The following TUBB6 variants were observed in gnomAD, a reference collection of about 807,000 sequenced individuals.
TUBB6 encodes the protein tubulin beta-6 chain.
TUBB6 carries 18 observed loss-of-function variants against 32.3 expected under a neutral mutation model. That is an observed-to-expected ratio of 0.56 (90% CI 0.39 to 0.83). The LOEUF is 0.83. Ranked by LOEUF, TUBB6 falls within the 40% of genes least tolerant of loss-of-function variation. TUBB6 has a pLI of 0.00. For missense variants in TUBB6, 480 were observed against 632.0 expected (o/e 0.76, Z 2.58); for synonymous variants, 280 against 265.8 (o/e 1.05, Z -0.52).
At chr18:12,308,376 T>G (rs1359357082) in intron 1 of TUBB6, 27 bp downstream of exon 1, 3 of 1,390,608 alleles carry the variant, frequency 2.2e-6, no homozygotes, top group Non-Finnish European at 2.8e-6. Flanking sequence ...GCAGGGCCTC[T>G]CCGCGGGTCG....
chr18:12,328,051 C>G (rs1442210908), downstream of TUBB6, among the ~76,000 whole-genome samples: 1 of 152,248 alleles, frequency 6.6e-6, no homozygotes, highest in Admixed American at 6.5e-5. Flanking sequence ...AAGGAAGTGG[C>G]CAGTGTGGCA....
chr18:12,308,476 C>G, intron 1 of TUBB6, 127 bp downstream of exon 1: 2 of 832,538 alleles, frequency 2.4e-6, no homozygotes, highest in Non-Finnish European at 3.3e-6. Context: ...CCGGTGCGGA[C>G]CCGCGAGGGC....
chr18:12,319,922 G>A (rs1352526813), intron 3 of TUBB6, among the ~76,000 whole-genome samples: 2 of 151,952 alleles, frequency 1.3e-5, no homozygotes, highest in Middle Eastern at 3.2e-3. Context: ...GAGTAGCTGG[G>A]ACTACAGGCG....
intron 3 of TUBB6, among the ~76,000 whole-genome samples, chr18:12,319,747 AG>A (rs1481462637): frequency 6.6e-6 from 1 of 152,088 alleles, no homozygotes; most frequent in Non-Finnish European, 1.5e-5. Context: ...TGAGTTCAAA[AG>A]TTTAAGACCA....
downstream of TUBB6, chr18:12,329,777 G>C (rs532751601): frequency 6.2e-7 from 1 of 1,612,894 alleles, no homozygotes; most frequent in South Asian, 1.1e-5. Flanking sequence ...AACAACAGAA[G>C]AGCAACCTGA....
chr18:12,319,793 T>G (rs1906883275), intron 3 of TUBB6, among the ~76,000 whole-genome samples: 1 of 151,966 alleles, frequency 6.6e-6, no homozygotes, highest in African/African-American at 2.4e-5. Flanking sequence ...CTCTACAAAA[T>G]TTTTCTTTTT....
rs1237562992 is a variant in TUBB6 at position 12,325,716 on chromosome 18, C to G, written c.927C>G (p.Arg309=). ...CCGCCTGCGATCCGCGCCATGGCCG[C>G]TACCTGACCGTGGCCACCGTGTTCC... ...MMAACDPRHG[R]YLTVATVFRG... is the part of the protein sequence containing the mutation. Residue 309 remains arginine, a synonymous_variant, in exon 4 of 4, where the codon CGC becomes CGG. Transcript: ENST00000317702. The G allele has an allele frequency of 1.9e-6, 3 of 1,614,108 alleles. No individual in the cohort carries two copies. In the African/African-American group the frequency reaches 4.0e-5, roughly 22 times the overall value.
intron 1 of TUBB6, 31 bp from the exon 2 acceptor site, chr18:12,308,656 G>A (rs756386499): frequency 1.2e-5 from 18 of 1,469,960 alleles, no homozygotes; most frequent in Non-Finnish European, 7.6e-6. Flanking sequence ...TGGGTTCTGA[G>A]CGTCTGTCCC....
intron 3 of TUBB6, 55 bp downstream of exon 3, chr18:12,311,108 AT>A: frequency 7.1e-7 from 1 of 1,400,532 alleles, no homozygotes; most frequent in Non-Finnish European, 9.9e-7. Context: ...TAAATCAAAT[AT>A]TTTATATGCC....
At chr18:12,324,098 C>G (rs9946698) in intron 3 of TUBB6, among the ~76,000 whole-genome samples, 35,097 of 151,796 alleles carry the variant, frequency 0.23, 4,300 homozygotes, top group East Asian at 0.38. Flanking sequence ...GGCCGGGCGC[C>G]GTGGCTCACG....
At chr18:12,308,439 C>G in intron 1 of TUBB6, 90 bp downstream of exon 1, 10 of 1,054,488 alleles carry the variant, frequency 9.5e-6, no homozygotes, top group Non-Finnish European at 1.2e-5. Context: ...GGCGCGCACC[C>G]GCTGTGCGCC....
rs1426563055 is a variant in TUBB6 at position 12,325,977 on chromosome 18, C to G, written c.1188C>G (p.His396Gln). 1 of 1,614,100 alleles carries G rather than the reference C, an allele frequency of 6.2e-7. No individual in the cohort carries two copies. The highest frequency in any genetic ancestry group is 8.5e-7 in the Non-Finnish European group (1 of 1,180,046). The change falls in exon 4 of 4, where the codon CAC (histidine) becomes CAG (glutamine). Residue 396 changes from histidine to glutamine, a missense_variant. Coordinates refer to ENST00000317702, the MANE Select transcript of TUBB6 (RefSeq NM_032525.3). ...TGTTCCGGCGCAAGGCCTTCCTGCA[C>G]TGGTTCACGGGTGAGGGCATGGATG... Reference protein sequence around the residue: ...SAMFRRKAFLHWFTGEGMDEM... With the variant: ...SAMFRRKAFLQWFTGEGMDEM...
chr18:12,311,623 A>G (rs1042261359), intron 3 of TUBB6, among the ~76,000 whole-genome samples: 16 of 152,120 alleles, frequency 1.1e-4, no homozygotes, highest in Admixed American at 2.6e-4. Flanking sequence ...AAAAAAACAA[A>G]AACCAAGAAA....
At chr18:12,314,553 AC>A (rs1285245665) in intron 3 of TUBB6, among the ~76,000 whole-genome samples, 2 of 151,938 alleles carry the variant, frequency 1.3e-5, no homozygotes, top group Non-Finnish European at 2.9e-5. Flanking sequence ...TACAGTGAAA[AC>A]CCACCTCCCT....
At chr18:12,307,670 C>G (rs897527516), upstream of TUBB6, 2 of 152,272 alleles carry the variant, frequency 1.3e-5, no homozygotes, top group African/African-American at 2.4e-5. Flanking sequence ...CCTGTAGTCA[C>G]TTTAGCTAAA....
Position 12,325,793 on chromosome 18 carries a change from G to T in TUBB6, c.1004G>T (p.Ser335Ile). 1 of 1,614,260 alleles carries T rather than the reference G, an allele frequency of 6.2e-7. No individual in the cohort carries two copies. Among genetic ancestry groups the T allele is most frequent in the Non-Finnish European group, 8.5e-7 (1 of 1,180,050 alleles). The change falls in exon 4 of 4, where the codon AGT (serine) becomes ATT (isoleucine). Residue 335 changes from serine (S) to isoleucine (I), a missense_variant. Coordinates refer to ENST00000317702, the MANE Select transcript of TUBB6 (RefSeq NM_032525.3). ...GACGAGCAGATGCTGGCCATCCAGA[G>T]TAAGAACAGCAGCTACTTCGTGGAG... is the stretch of plus-strand genomic sequence containing the variant. Reference protein sequence around the residue: ...EVDEQMLAIQSKNSSYFVEWI... With the variant: ...EVDEQMLAIQIKNSSYFVEWI...
At chr18:12,326,810 C>T (rs1406536041), downstream of TUBB6, among the ~76,000 whole-genome samples, 1 of 152,220 alleles carries the variant, frequency 6.6e-6, no homozygotes, top group African/African-American at 2.4e-5. Context: ...TAGACTCCCA[C>T]AGGATCTTGC....
At chr18:12,328,636 T>C (rs948217570), downstream of TUBB6, among the ~76,000 whole-genome samples, 1 of 152,232 alleles carries the variant, frequency 6.6e-6, no homozygotes, top group Admixed American at 6.5e-5. Flanking sequence ...GCTACAGTTA[T>C]ACGTTAACTT....
chr18:12,325,985 C>T lies in TUBB6; in HGVS notation c.1196C>T (p.Thr399Met), dbSNP rs1907298024. The change falls in exon 4 of 4, where the codon ACG becomes ATG. Residue 399 changes from threonine (T) to methionine (M), a missense_variant. By Grantham distance (81) the Thr-to-Met change is moderately conservative. Coordinates refer to ENST00000317702, the MANE Select transcript of TUBB6 (RefSeq NM_032525.3). ...CGCAAGGCCTTCCTGCACTGGTTCACGGGTGAGGGCATGGATGAAATGGAG... is the reference window on the plus strand; with the variant it reads ...CGCAAGGCCTTCCTGCACTGGTTCATGGGTGAGGGCATGGATGAAATGGAG... ...FRRKAFLHWF[T>M]GEGMDEMEFT... 2 of 1,613,630 alleles carry T rather than the reference C, an allele frequency of 1.2e-6. No individual in the cohort carries two copies. The highest frequency in any genetic ancestry group is 1.1e-5 in the South Asian group (1 of 91,062).
Sources: allele counts gnomAD v4.1 joint callset (sites outside exome capture counted in the v4.1 genomes callset), GRCh38; gene constraint gnomAD v4.1.1; transcripts MANE v1.5; gene names NCBI Gene and HGNC (gene_info 2026-07-23, HGNC 2026-07-21).